TACR3: variants seen among roughly 807,000 people sequenced by gnomAD.
TACR3 encodes neuromedin-K receptor.
Under a neutral mutation model 35.0 loss-of-function variants are expected in TACR3, and 34 were observed. The ratio of observed to expected loss-of-function variants is 0.97; its 90% confidence interval spans 0.74 to 1.30. The LOEUF (loss-of-function observed/expected upper bound fraction) is 1.30, where lower values mean the gene tolerates loss of function less well. Among genes scored for constraint, TACR3 ranks in the 50% most tolerant of loss-of-function variants. The pLI is 0.00. For synonymous variants in TACR3, 233 were observed against 221.1 expected (o/e 1.05, Z -0.48); for missense variants, 558 against 591.7 (o/e 0.94, Z 0.59).
chr4:103,617,246 A>AAGCT (rs1553968616), intron 3 of TACR3, among the ~76,000 whole-genome samples: 1 of 151,798 alleles, frequency 6.6e-6, no homozygotes, highest in Non-Finnish European at 1.5e-5. Context: ...TCTACAGAAA[A>AAGCT]AGTTAGTTAT....
intron 3 of TACR3, among the ~76,000 whole-genome samples, chr4:103,612,652 G>T (rs1031695160): frequency 6.6e-6 from 1 of 152,150 alleles, no homozygotes. Flanking sequence ...GGGACTACAG[G>T]TGTGCACCAC....
chr4:103,718,115 A>AT (rs60150017), intron 1 of TACR3, among the ~76,000 whole-genome samples: 20 of 152,180 alleles, frequency 1.3e-4, no homozygotes, highest in African/African-American at 2.9e-4. Context: ...GTTTTTTCTT[A>AT]TTTTTTTATT....
intron 1 of TACR3, among the ~76,000 whole-genome samples, chr4:103,717,261 C>T (rs1403848036): frequency 6.6e-6 from 1 of 151,878 alleles, no homozygotes; most frequent in Non-Finnish European, 1.5e-5. Flanking sequence ...CAAATAAGAA[C>T]ATTCTTTTAA....
Position 103,674,164 on chromosome 4 carries a change from A to AGTT in TACR3, c.549-15762_549-15761insAAC, listed in dbSNP as rs1726115659. On this transcript the variant is annotated intron_variant, in intron 1 of 4. Coordinates refer to ENST00000304883, the MANE Select transcript of TACR3 (RefSeq NM_001059.3). ...ACACTTGGAAGCTTTAGTTAAATATATGAAAGGCTGTAGTGAGGAACAGAT... is the reference window on the plus strand; with the variant it reads ...ACACTTGGAAGCTTTAGTTAAATATAGTTTGAAAGGCTGTAGTGAGGAACAGAT... Among the ~76,000 whole-genome samples, 7 of 152,316 alleles carry AGTT rather than the reference A, an allele frequency of 4.6e-5. No individual in the cohort carries two copies. In the South Asian group the frequency reaches 1.5e-3, roughly 32 times the overall value.
At chr4:103,619,584 C>G (rs1185038643) in intron 3 of TACR3, among the ~76,000 whole-genome samples, 1 of 152,058 alleles carries the variant, frequency 6.6e-6, no homozygotes, top group Non-Finnish European at 1.5e-5. Flanking sequence ...AGTCGGCATC[C>G]TTGTCTTGTT....
rs939624899 is a variant in TACR3, at chr4:103,684,653, T to G, written c.549-26250A>C. ...AACTGATCTACATATTTAATGCAAT[T>G]ACATTAAAAACTCCAGTAAGATTTC... On this transcript the variant is annotated intron_variant, in intron 1 of 4. Coordinates refer to ENST00000304883, the MANE Select transcript of TACR3 (RefSeq NM_001059.3). 3.3e-5 allele frequency among the ~76,000 whole-genome samples: 5 copies of G among 152,232 alleles called. No individual in the cohort carries two copies. In the East Asian group the frequency reaches 7.7e-4, roughly 24 times the overall value.
Position 103,634,209 on chromosome 4 carries a change from G to A in TACR3, c.888+21985C>T, listed in dbSNP as rs374319801. ...GTTATTAACAGTAACCTCTAATGAAGAGGAACAATGATATCAATGGAATTT... is the reference window on the plus strand; with the variant it reads ...GTTATTAACAGTAACCTCTAATGAAAAGGAACAATGATATCAATGGAATTT... On this transcript the variant is annotated intron_variant, in intron 3 of 4. Coordinates refer to ENST00000304883, the MANE Select transcript of TACR3 (RefSeq NM_001059.3). 2.9e-4 allele frequency among the ~76,000 whole-genome samples: 44 copies of A among 152,182 alleles called. No homozygotes were observed. In the East Asian group the frequency reaches 7.4e-3, roughly 25 times the overall value.
chr4:103,607,497 T>C (rs1040771051), intron 3 of TACR3, among the ~76,000 whole-genome samples: 1 of 151,846 alleles, frequency 6.6e-6, no homozygotes, highest in Non-Finnish European at 1.5e-5. Context: ...TATTTTATAT[T>C]TAAATTAAAA....
intron 1 of TACR3, among the ~76,000 whole-genome samples, chr4:103,689,616 A>T (rs527634145): frequency 1.8e-4 from 27 of 152,238 alleles, no homozygotes; most frequent in Non-Finnish European, 3.7e-4. Context: ...AGGTAGAACA[A>T]TAGAGATTTT....
At chr4:103,602,975 C>A in intron 3 of TACR3, among the ~76,000 whole-genome samples, 1 of 152,348 alleles carries the variant, frequency 6.6e-6, no homozygotes, top group African/African-American at 2.4e-5. Context: ...TTGTCTGTGC[C>A]CTACACCAAG....
At chr4:103,701,788 A>G (rs1240834145) in intron 1 of TACR3, among the ~76,000 whole-genome samples, 1 of 152,248 alleles carries the variant, frequency 6.6e-6, no homozygotes, top group African/African-American at 2.4e-5. Context: ...TGACAAAAAC[A>G]AGAAATGGGG....
At chr4:103,684,829 A>G (rs1045120117) in intron 1 of TACR3, among the ~76,000 whole-genome samples, 1 of 151,554 alleles carries the variant, frequency 6.6e-6, no homozygotes, top group South Asian at 2.1e-4. Flanking sequence ...ATAGCAAAAA[A>G]CCTGTCTCTA....
intron 3 of TACR3, among the ~76,000 whole-genome samples, chr4:103,648,375 C>G (rs1049765046): frequency 1.3e-5 from 2 of 151,932 alleles, no homozygotes; most frequent in Non-Finnish European, 2.9e-5. Context: ...AATATGGGAA[C>G]TTATTCATTC....
chr4:103,628,010 T>C (rs548002706), intron 3 of TACR3, among the ~76,000 whole-genome samples: 2 of 152,194 alleles, frequency 1.3e-5, no homozygotes, highest in East Asian at 3.9e-4. Flanking sequence ...ACTGCACAAC[T>C]TCATGGAAAC....
At chr4:103,685,563 G>A (rs1722209552) in intron 1 of TACR3, among the ~76,000 whole-genome samples, 1 of 152,044 alleles carries the variant, frequency 6.6e-6, no homozygotes, top group Admixed American at 6.6e-5. Context: ...TGTGAAAAGA[G>A]TAGAAAAATA....
At position 103,590,005 on chromosome 4, in the gene TACR3, GC is replaced by G; in HGVS notation, c.1086-12del. ...AAGCCAGCTCGAAATCTGAGGAAAAGCAGGCCACAGAAAGAAAAAGTTATTT... is the reference window on the plus strand; with the variant it reads ...AAGCCAGCTCGAAATCTGAGGAAAAGAGGCCACAGAAAGAAAAAGTTATTT... On this transcript the variant is annotated splice_polypyrimidine_tract_variant and intron_variant, in intron 4 of 4. Coordinates refer to ENST00000304883, the MANE Select transcript of TACR3 (RefSeq NM_001059.3). The G allele has an allele frequency of 6.2e-7, 1 of 1,612,624 alleles. No homozygotes were observed. The highest frequency in any genetic ancestry group is 8.5e-7 in the Non-Finnish European group (1 of 1,179,218).
At chr4:103,665,091 G>A (rs959566040) in intron 1 of TACR3, among the ~76,000 whole-genome samples, 2 of 151,854 alleles carry the variant, frequency 1.3e-5, no homozygotes, top group Non-Finnish European at 2.9e-5. Context: ...GGGATTACAG[G>A]CATGAACCAC....
At chr4:103,650,612 A>AT (rs1553971496) in intron 3 of TACR3, among the ~76,000 whole-genome samples, 1 of 105,278 alleles carries the variant, frequency 9.5e-6, no homozygotes, top group Non-Finnish European at 1.8e-5. Context: ...AAAATATATA[A>AT]ATATATTATA....
chr4:103,670,367 G>A (rs1332465924), intron 1 of TACR3, among the ~76,000 whole-genome samples: 2 of 151,954 alleles, frequency 1.3e-5, no homozygotes, highest in Non-Finnish European at 2.9e-5. Context: ...TTTCTATGAA[G>A]AATATCATTG....
Sources: allele counts gnomAD v4.1 joint callset (sites outside exome capture counted in the v4.1 genomes callset), GRCh38; gene constraint gnomAD v4.1.1; transcripts MANE v1.5; gene names NCBI Gene and HGNC (gene_info 2026-07-23, HGNC 2026-07-21).